WLS: variants seen among roughly 807,000 people sequenced by gnomAD.
WLS encodes the protein Wnt ligand secretion mediator.
In WLS, 23 loss-of-function variants were observed where a neutral mutation model predicts 62.8. The observed-to-expected ratio is 0.37, with a 90% CI of 0.26 to 0.52. The LOEUF (loss-of-function observed/expected upper bound fraction) is 0.52. WLS is among the 20% of genes least tolerant of loss of function. The pLI is 0.92. For synonymous variants in WLS, 246 were observed against 244.1 expected, an observed-to-expected ratio of 1.01 and a Z score of -0.07; for missense variants, 615 against 697.3, an observed-to-expected ratio of 0.88 and a Z score of 1.33.
intron 1 of WLS, among the ~76,000 whole-genome samples, chr1:68,206,913 T>C (rs1649303407): frequency 1.3e-5 from 2 of 152,186 alleles, no homozygotes; most frequent in Non-Finnish European, 2.9e-5. Flanking sequence ...CCAAGAGTTC[T>C]GGCTGTCCCT....
At chr1:68,129,232 G>T (rs1436502242) in intron 11 of WLS, among the ~76,000 whole-genome samples, 1 of 152,204 alleles carries the variant, frequency 6.6e-6, no homozygotes, top group African/African-American at 2.4e-5. Context: ...GGCTCAGGCA[G>T]AAGAATGGTT....
chr1:68,124,042 C>T (rs1270278379), downstream of WLS, among the ~76,000 whole-genome samples: 1 of 152,122 alleles, frequency 6.6e-6, no homozygotes, highest in Non-Finnish European at 1.5e-5. Flanking sequence ...TCTCTCTGTC[C>T]GAAACCCCAC....
chr1:68,228,002 A>G (rs1650235539), intron 1 of WLS, among the ~76,000 whole-genome samples: 1 of 152,236 alleles, frequency 6.6e-6, no homozygotes, highest in Non-Finnish European at 1.5e-5. Context: ...CACTTAAACA[A>G]TACTAGCACA....
At chr1:68,179,979 T>A (rs530628933) in intron 2 of WLS, among the ~76,000 whole-genome samples, 1 of 152,244 alleles carries the variant, frequency 6.6e-6, no homozygotes, top group Admixed American at 6.5e-5. Context: ...GGACTGATCA[T>A]ATGGCCAGTT....
chr1:68,191,058 CAAAA>C (rs10590224), intron 2 of WLS, among the ~76,000 whole-genome samples: 39 of 131,244 alleles, frequency 3.0e-4, no homozygotes, highest in African/African-American at 4.3e-4. Flanking sequence ...AACTCAGACT[CAAAA>C]AAAAAAAAAA....
intron 7 of WLS, 79 bp downstream of exon 7, chr1:68,148,484 T>C: frequency 6.8e-7 from 1 of 1,466,024 alleles, no homozygotes. Context: ...ATTCTCCTTT[T>C]CAAACACTCC....
chr1:68,190,708 T>C (rs1023505174), intron 2 of WLS, among the ~76,000 whole-genome samples: 4 of 152,136 alleles, frequency 2.6e-5, no homozygotes, highest in African/African-American at 4.8e-5. Flanking sequence ...TTGAGAGAGT[T>C]TGAGCCAGAG....
At chr1:68,189,140 C>A (rs1304301293) in intron 2 of WLS, among the ~76,000 whole-genome samples, 1 of 152,176 alleles carries the variant, frequency 6.6e-6, no homozygotes, top group Non-Finnish European at 1.5e-5. Flanking sequence ...CTGCTCCTGC[C>A]TGTTAGTCAC....
rs930272993 is a variant in WLS at position 68,232,509 on chromosome 1, C to T, written c.-210G>A. 12 of 1,053,114 alleles carry T rather than the reference C, an allele frequency of 1.1e-5. No homozygotes were observed. Among genetic ancestry groups the T allele is most frequent in the Non-Finnish European group, 1.4e-5 (11 of 779,570 alleles). 65.2% of individuals were successfully genotyped at this position (1,053,114 alleles called of 1,614,324 possible). A position where few individuals can be genotyped will look rare whatever the true frequency, so the allele number is the denominator to read the frequency against. On this transcript the variant is annotated 5_prime_UTR_variant, in exon 1 of 12. Coordinates refer to ENST00000262348, the MANE Select transcript of WLS (RefSeq NM_024911.7). Reference sequence around the variant, plus strand: ...AGCCGGCTCGGGTTCCCCCAATGCCCGGAGCTGTGATTGTGGCCGCTCCGC... The same window carrying T: ...AGCCGGCTCGGGTTCCCCCAATGCCTGGAGCTGTGATTGTGGCCGCTCCGC...
chr1:68,176,930 T>C (rs1259580274), intron 2 of WLS, among the ~76,000 whole-genome samples: 1 of 152,222 alleles, frequency 6.6e-6, no homozygotes, highest in Non-Finnish European at 1.5e-5. Context: ...CCTAATGCCT[T>C]TGCTGAGTTA....
chr1:68,126,284 G>C lies in WLS; in HGVS notation c.1568C>G (p.Thr523Ser). The change falls in exon 12 of 12, where the codon ACC (threonine) becomes AGC (serine). Residue 523 changes from threonine to serine, a missense_variant. Thr to Ser is a moderately conservative substitution (Grantham distance 58). Coordinates refer to ENST00000262348, the MANE Select transcript of WLS (RefSeq NM_024911.7). ...GEELQLTTTI[T>S]HVDGPTEIYK... ...GATCTCAGTGGGTCCGTCCACATGGGTGATAGTGGTGGTGAGCTGGAGTTC... is the reference window on the plus strand; with the variant it reads ...GATCTCAGTGGGTCCGTCCACATGGCTGATAGTGGTGGTGAGCTGGAGTTC... 2 of 1,611,552 alleles carry C rather than the reference G, an allele frequency of 1.2e-6. No individual in the cohort carries two copies. Among genetic ancestry groups the C allele is most frequent in the Non-Finnish European group, 1.7e-6 (2 of 1,179,098 alleles).
At chr1:68,107,256 C>T (rs1261587091) in intron 11 of WLS, among the ~76,000 whole-genome samples, 4 of 151,268 alleles carry the variant, frequency 2.6e-5, no homozygotes, top group Middle Eastern at 3.5e-3. Flanking sequence ...TATTTTATGT[C>T]TGTACCATTG....
intron 2 of WLS, among the ~76,000 whole-genome samples, chr1:68,179,295 T>C (rs1420258207): frequency 6.6e-6 from 1 of 152,172 alleles, no homozygotes; most frequent in African/African-American, 2.4e-5. Context: ...TTCAGAGAGT[T>C]AGAGTAGATG....
intron 11 of WLS, among the ~76,000 whole-genome samples, chr1:68,107,959 C>A (rs560741193): frequency 7.2e-5 from 11 of 152,104 alleles, no homozygotes; most frequent in African/African-American, 2.7e-4. Flanking sequence ...CCCAGCTCCC[C>A]GGGAGATGAA....
intron 1 of WLS, among the ~76,000 whole-genome samples, chr1:68,200,367 A>C (rs1648935361): frequency 6.6e-6 from 1 of 151,082 alleles, no homozygotes; most frequent in African/African-American, 2.4e-5. Flanking sequence ...TTATAATTTC[A>C]TTTTATTTAT....
intron 1 of WLS, among the ~76,000 whole-genome samples, chr1:68,221,461 A>G (rs1649938406): frequency 6.6e-6 from 1 of 152,232 alleles, no homozygotes; most frequent in Non-Finnish European, 1.5e-5. Context: ...CTAAAAGGTA[A>G]AAGCCTGGTT....
chr1:68,187,646 G>A (rs980805607), intron 2 of WLS, among the ~76,000 whole-genome samples: 1 of 152,092 alleles, frequency 6.6e-6, no homozygotes, highest in African/African-American at 2.4e-5. Context: ...CAAGAGTTGA[G>A]CTTAAAATCA....
chr1:68,227,288 G>A (rs1207619716), intron 1 of WLS, among the ~76,000 whole-genome samples: 1 of 151,886 alleles, frequency 6.6e-6, no homozygotes, highest in African/African-American at 2.4e-5. Flanking sequence ...CGTGGTAGCA[G>A]GTGCCTGTAA....
chr1:68,157,277 G>GC (rs1243163029), intron 3 of WLS, among the ~76,000 whole-genome samples: 1 of 152,198 alleles, frequency 6.6e-6, no homozygotes, highest in Non-Finnish European at 1.5e-5. Flanking sequence ...GTCTCTGGGT[G>GC]CCCCACACTT....
Sources: allele counts gnomAD v4.1 joint callset (sites outside exome capture counted in the v4.1 genomes callset), GRCh38; gene constraint gnomAD v4.1.1; transcripts MANE v1.5; gene names NCBI Gene and HGNC (gene_info 2026-07-23, HGNC 2026-07-21).